BRWD1: variants seen among roughly 807,000 people sequenced by gnomAD.
BRWD1 encodes bromodomain and WD repeat-containing protein 1.
A neutral mutation model predicts 251.2 loss-of-function variants in BRWD1; 82 were observed. The ratio of observed to expected loss-of-function variants is 0.33; its 90% confidence interval spans 0.27 to 0.39. The LOEUF (loss-of-function observed/expected upper bound fraction) is 0.39, where lower values mean the gene tolerates loss of function less well. Among genes scored for constraint, BRWD1 ranks in the 10% least tolerant of loss-of-function variants. BRWD1 has a pLI of 1.00. For synonymous variants in BRWD1, 918 were observed against 902.8 expected, an observed-to-expected ratio of 1.02 and a Z score of -0.30; for missense variants, 2,233 against 2,711.6, an observed-to-expected ratio of 0.82 and a Z score of 3.92.
chr21:39,265,111 T>G (rs2034878388), intron 15 of BRWD1, 92 bp from the exon 16 acceptor site: 17 of 1,283,038 alleles, frequency 1.3e-5, no homozygotes, highest in Middle Eastern at 3.9e-4. Context: ...TGTGACAATA[T>G]ATCCCTTCTG....
At chr21:39,215,464 A>C (rs2032849040) in intron 31 of BRWD1, 102 bp from the exon 32 acceptor site, 6 of 1,026,204 alleles carry the variant, frequency 5.8e-6, no homozygotes, top group Non-Finnish European at 5.8e-6. Flanking sequence ...ATAATAATTA[A>C]ACCATAAGTG....
intron 15 of BRWD1, among the ~76,000 whole-genome samples, chr21:39,268,823 A>G (rs1313490755): frequency 1.3e-5 from 2 of 151,862 alleles, no homozygotes; most frequent in African/African-American, 4.8e-5. Flanking sequence ...CGTCTCTACT[A>G]AAAAATACAA....
At chr21:39,311,167 A>AT (rs543538953) in intron 4 of BRWD1, among the ~76,000 whole-genome samples, 2 of 150,658 alleles carry the variant, frequency 1.3e-5, no homozygotes, top group African/African-American at 2.4e-5. Context: ...ATTTATATAA[A>AT]TTTTTTTTTT....
chr21:39,205,383 G>A (rs565743098), intron 37 of BRWD1, among the ~76,000 whole-genome samples: 5 of 152,288 alleles, frequency 3.3e-5, no homozygotes, highest in African/African-American at 1.2e-4. Context: ...AAGCTGAGGT[G>A]AGAGGGACTG....
rs1475911842 is a variant in BRWD1 at position 39,187,310 on chromosome 21, G to A, written c.*8949C>T. ...GCACATCTGCGGGGAACTTTCTCAG[G>A]TACCATTTTTGCTTTCAGAGTTTCA... On this transcript the variant is annotated 3_prime_UTR_variant, in exon 41 of 41. Transcript: ENST00000342449. 1.2e-6 allele frequency: 2 copies of A among 1,613,896 alleles called. No individual in the cohort carries two copies. Among genetic ancestry groups the A allele is most frequent in the Admixed American group, 1.7e-5 (1 of 60,016 alleles).
At position 39,199,532 on chromosome 21, in the gene BRWD1, G is replaced by A; in HGVS notation, c.4884C>T (p.Val1628=). 1 of 1,614,064 alleles carries A rather than the reference G, an allele frequency of 6.2e-7. No individual in the cohort carries two copies. The highest frequency in any genetic ancestry group is 8.5e-7 in the Non-Finnish European group (1 of 1,180,034). ...LKARAGNNRK[V]LRKCAAVAAN... ...CAGCCACAGCAGCACACTTCCTTAA[G>A]ACTTTTCGGTTATTTCCAGCTCTGG... The change falls in exon 40 of 41, where the codon GTC becomes GTT. Residue 1628 remains valine (V), a synonymous_variant. Coordinates refer to ENST00000342449, the MANE Select transcript of BRWD1 (RefSeq NM_033656.4).
intron 8 of BRWD1, among the ~76,000 whole-genome samples, chr21:39,282,697 C>A (rs1003132088): frequency 6.6e-6 from 1 of 152,114 alleles, no homozygotes; most frequent in African/African-American, 2.4e-5. Flanking sequence ...GTTGCTCATG[C>A]CTGTAATCCC....
Position 39,274,373 on chromosome 21 carries a change from C to A in BRWD1, c.1244+1G>T. 6.2e-7 allele frequency: 1 copy of A among 1,606,726 alleles called. No individual in the cohort carries two copies. Among genetic ancestry groups the A allele is most frequent in the Non-Finnish European group, 8.5e-7 (1 of 1,173,442 alleles). On this transcript the variant is annotated splice_donor_variant, in intron 13 of 40. Transcript: ENST00000342449. LOFTEE classifies it high-confidence loss of function. ...ACCTACTTCTAACAATCTCAACTTA[C>A]CCTGAGATTCTGGTAGCCATATCCA...
rs755960563 is a variant in BRWD1, at chr21:39,278,802, A to C, written c.944T>G (p.Leu315Arg). 6.3e-7 allele frequency: 1 copy of C among 1,594,648 alleles called. No individual in the cohort carries two copies. The highest frequency in any genetic ancestry group is 8.5e-7 in the Non-Finnish European group (1 of 1,172,256). ...TGGCCTAGGCTTTTCAGTGAACTTCAGGGGACGTGGGCTTTAAAAGAAGAA... is the reference window on the plus strand; with the variant it reads ...TGGCCTAGGCTTTTCAGTGAACTTCCGGGGACGTGGGCTTTAAAAGAAGAA... ...LESLKFSPRP[L>R]KFTEKPRPGV... The change falls in exon 10 of 41, where the codon CTG (leucine) becomes CGG (arginine). Residue 315 changes from leucine (L) to arginine (R), a missense_variant. Transcript: ENST00000342449.
intron 17 of BRWD1, among the ~76,000 whole-genome samples, chr21:39,259,482 TAG>T (rs2034671271): frequency 6.6e-6 from 1 of 151,930 alleles, no homozygotes; most frequent in African/African-American, 2.4e-5. Context: ...TTTTTTTCAG[TAG>T]AGACAGGGTT....
rs1601426503 is a variant in BRWD1 at position 39,270,268 on chromosome 21, C to T, written c.1395+15G>A. 1.3e-6 allele frequency: 2 copies of T among 1,541,930 alleles called. No individual in the cohort carries two copies. Among genetic ancestry groups the T allele is most frequent in the East Asian group, 4.7e-5 (2 of 42,898 alleles). On this transcript the variant is annotated intron_variant, in intron 14 of 40. Transcript: ENST00000342449. ...AAAAAATCTCATTTGTTACACTGTA[C>T]CAGAAATTACCTACCATTAAGTTAT... is the stretch of plus-strand genomic sequence containing the variant.
intron 1 of BRWD1, among the ~76,000 whole-genome samples, chr21:39,320,428 A>G (rs1232391573): frequency 3.9e-5 from 6 of 152,004 alleles, no homozygotes; most frequent in Admixed American, 3.9e-4. Flanking sequence ...TCGATCTTTC[A>G]GGCACAATTG....
At chr21:39,210,178 G>A in intron 35 of BRWD1, 31 bp from the exon 36 acceptor site, 1 of 1,522,580 alleles carries the variant, frequency 6.6e-7, no homozygotes, top group Non-Finnish European at 8.9e-7. Flanking sequence ...TTAATTCATA[G>A]ATTCATTTCT....
At chr21:39,313,958 C>T (rs777085465), upstream of BRWD1, 32 of 352,114 alleles carry the variant, frequency 9.1e-5, no homozygotes, top group South Asian at 6.1e-4. Flanking sequence ...GGGGCGGAAG[C>T]GCGGCCACAA....
chr21:39,288,652 T>A (rs766648976), intron 8 of BRWD1, among the ~76,000 whole-genome samples: 2 of 152,184 alleles, frequency 1.3e-5, no homozygotes, highest in Admixed American at 6.5e-5. Flanking sequence ...ACCAATTGCA[T>A]GAACAGTCAA....
At chr21:39,313,376 CGGGGAGCCG>C in intron 1 of BRWD1, 58 bp downstream of exon 1, 2 of 1,252,946 alleles carry the variant, frequency 1.6e-6, no homozygotes, top group East Asian at 3.2e-5. Context: ...CGGGGGAGCC[CGGGGAGCCG>C]GGGAAGCCGA....
chr21:39,313,006 G>A (rs1282262293), intron 3 of BRWD1, 66 bp downstream of exon 3: 4 of 1,111,844 alleles, frequency 3.6e-6, no homozygotes, highest in African/African-American at 1.9e-5. Context: ...GGGCGCGGGC[G>A]AGCATCCCTC....
In BRWD1 at chr21:39,196,550, A is replaced by G. The variant is rs141324249; in HGVS notation, c.6519T>C (p.Asn2173=). Residue 2173 remains asparagine, a synonymous_variant, in exon 41 of 41, where the codon AAT becomes AAC. Coordinates refer to ENST00000342449, the MANE Select transcript of BRWD1 (RefSeq NM_033656.4). Reference sequence around the variant, plus strand: ...TCGTTTTCCTCCTTTTGGTTTTTGTATTATCAGTACAGTCAATATCTGATT... The same window carrying G: ...TCGTTTTCCTCCTTTTGGTTTTTGTGTTATCAGTACAGTCAATATCTGATT... The part of the protein sequence containing the change: ...VTESDIDCTD[N]TKTKRRKTKG... 4.3e-3 allele frequency: 6,939 copies of G among 1,613,584 alleles called. 20 individuals are homozygous for G. Among genetic ancestry groups the G allele is most frequent in the Non-Finnish European group, 5.2e-3 (6,164 of 1,179,774 alleles).
chr21:39,287,060 A>G (rs765718990), intron 8 of BRWD1, among the ~76,000 whole-genome samples: 1 of 152,052 alleles, frequency 6.6e-6, no homozygotes, highest in Non-Finnish European at 1.5e-5. Flanking sequence ...CATCACTTCA[A>G]CCCTAAAATC....
Sources: allele counts gnomAD v4.1 joint callset (sites outside exome capture counted in the v4.1 genomes callset), GRCh38; gene constraint gnomAD v4.1.1; transcripts MANE v1.5; gene names NCBI Gene and HGNC (gene_info 2026-07-23, HGNC 2026-07-21).